HSPG2: variants seen among roughly 807,000 people sequenced by gnomAD.
HSPG2 encodes the protein basement membrane-specific heparan sulfate proteoglycan core protein.
Under a neutral mutation model 526.6 loss-of-function variants are expected in HSPG2, and 278 were observed. That is an observed-to-expected ratio of 0.53 (90% CI 0.48 to 0.58). The LOEUF (loss-of-function observed/expected upper bound fraction) is 0.58, where lower values mean the gene tolerates loss of function less well. Among genes scored for constraint, HSPG2 ranks in the 20% least tolerant of loss-of-function variants. The pLI, the probability that HSPG2 is intolerant of heterozygous loss-of-function variation, is 0.00. For synonymous variants in HSPG2, 2,465 were observed against 2,555.4 expected, an observed-to-expected ratio of 0.96 and a Z score of 1.07; for missense variants, 5,354 against 6,099.5, an observed-to-expected ratio of 0.88 and a Z score of 4.07.
At chr1:21,860,351 A>G in intron 39 of HSPG2, 116 bp from the exon 40 acceptor site, 1 of 891,454 alleles carries the variant, frequency 1.1e-6, no homozygotes, top group South Asian at 1.6e-5. Flanking sequence ...GGAGGCTCGG[A>G]GCTCTGGAAG....
rs1038989686 is a variant in HSPG2, at chr1:21,887,106, G to C, written c.1078+109C>G. ...CAAACAGGCTTGGGGGACTGGGGAGGGGGGAAAGCGGAGGGGCAGGGTAGG... is the reference window on the plus strand; with the variant it reads ...CAAACAGGCTTGGGGGACTGGGGAGCGGGGAAAGCGGAGGGGCAGGGTAGG... On this transcript the variant is annotated intron_variant, in intron 9 of 96. Coordinates refer to ENST00000374695, the MANE Select transcript of HSPG2 (RefSeq NM_005529.7). The surrounding 1 kb of genome is among the most constrained non-coding windows in gnomAD (Gnocchi z 5.0). 9 of 1,116,928 alleles carry C rather than the reference G, an allele frequency of 8.1e-6. No individual in the cohort carries two copies. The highest frequency in any genetic ancestry group is 3.3e-5 in the African/African-American group (2 of 61,304). The allele number at this position is 1,116,928 out of a possible 1,614,324, so 69.2% of individuals were successfully genotyped here.
intron 1 of HSPG2, among the ~76,000 whole-genome samples, chr1:21,906,572 C>T (rs1198677206): frequency 6.6e-6 from 1 of 152,184 alleles, no homozygotes; most frequent in Non-Finnish European, 1.5e-5. Context: ...TCCTGAAGCG[C>T]CCCATGTCTG....
intron 1 of HSPG2, among the ~76,000 whole-genome samples, chr1:21,918,292 C>T (rs1350611637): frequency 6.6e-6 from 1 of 152,106 alleles, no homozygotes; most frequent in Non-Finnish European, 1.5e-5. Context: ...TAGTAAAACC[C>T]TGTCTCTACT....
Position 21,890,447 on chromosome 1 carries a change from A to C in HSPG2, c.393T>G (p.Val131=). ...SEYLKIPGDQ[V]VSVVFIKELD... Reference sequence around the variant, plus strand: ...CTCACTTGATGAACACCACACTGACAACCTGGTCTCCGGGAATTTTCAAGT... The same window carrying C: ...CTCACTTGATGAACACCACACTGACCACCTGGTCTCCGGGAATTTTCAAGT... The change falls in exon 5 of 97, where the codon GTT becomes GTG. Residue 131 remains valine (V), a synonymous_variant. Transcript: ENST00000374695. This position sits in a 1 kb window ranked among gnomAD's most constrained non-coding sequence, Gnocchi z 4.1. 6.2e-7 allele frequency: 1 copy of C among 1,613,840 alleles called. No homozygotes were observed. The highest frequency in any genetic ancestry group is 8.5e-7 in the Non-Finnish European group (1 of 1,179,942).
chr1:21,836,569 C>T lies in HSPG2; in HGVS notation c.10355+233G>A, dbSNP rs112783936. Among the ~76,000 whole-genome samples the T allele has an allele frequency of 0.054, 8,206 of 152,188 alleles. 728 individuals carry two copies. The highest frequency in any genetic ancestry group is 0.18 in the African/African-American group (7,623 of 41,500). On this transcript the variant is annotated intron_variant, in intron 75 of 96. Coordinates refer to ENST00000374695, the MANE Select transcript of HSPG2 (RefSeq NM_005529.7). ...AACTCCTGACCTCAGGTGATCTGCC[C>T]GCCTCAGCCTCCCAAAGTGCTGGGA...
At chr1:21,908,463 A>G in intron 1 of HSPG2, 1 of 845,548 alleles carries the variant, frequency 1.2e-6, no homozygotes, top group Non-Finnish European at 2.1e-6. Context: ...CCAAAGAGAA[A>G]GGTACCTGGG....
chr1:21,836,810 C>G lies in HSPG2; in HGVS notation c.10347G>C (p.Gly3449=). The G allele has an allele frequency of 1.3e-6, 2 of 1,563,872 alleles. No individual in the cohort carries two copies. The highest frequency in any genetic ancestry group is 1.7e-6 in the Non-Finnish European group (2 of 1,158,242). The change falls in exon 75 of 97, where the codon GGG becomes GGC. Residue 3449 remains glycine, a synonymous_variant. Coordinates refer to ENST00000374695, the MANE Select transcript of HSPG2 (RefSeq NM_005529.7). Reference sequence around the variant, plus strand: ...CCCCCGGCCCCACTCACCGGAGCACCCCATCCTGCACGCTGTGACCCGGAG... The same window carrying G: ...CCCCCGGCCCCACTCACCGGAGCACGCCATCCTGCACGCTGTGACCCGGAG... ...QLPPGHSVQD[G]VLRIQNLDQS... is the part of the protein sequence containing the mutation.
intron 9 of HSPG2, among the ~76,000 whole-genome samples, chr1:21,886,697 A>C (rs1198315515): frequency 1.3e-5 from 2 of 152,148 alleles, no homozygotes; most frequent in African/African-American, 4.8e-5. Context: ...GGAGGGAAGA[A>C]GGACGACAGA....
rs572111070 is a variant in HSPG2, at chr1:21,859,456, G to A, written c.5293+110C>T. 8.4e-6 allele frequency: 7 copies of A among 832,930 alleles called. No homozygotes were observed. The highest frequency in any genetic ancestry group is 5.0e-5 in the African/African-American group (3 of 59,604). 51.6% of individuals were successfully genotyped at this position (832,930 alleles called of 1,614,324 possible). ...ATCTCCATGGCTGCTGACCTTGTTC[G>A]GGCAACCACTGCCCCCTCCCAGCAG... On this transcript the variant is annotated intron_variant, in intron 42 of 96. Transcript: ENST00000374695. The surrounding 1 kb of genome is among the most constrained non-coding windows in gnomAD (Gnocchi z 5.3).
chr1:21,877,059 C>CAAAAA lies in HSPG2; in HGVS notation c.2686-412_2686-408dup, dbSNP rs3077630. Among the ~76,000 whole-genome samples the CAAAAA allele has an allele frequency of 8.7e-5, 9 of 103,076 alleles. 1 individual carries two copies. Among genetic ancestry groups the CAAAAA allele is most frequent in the African/African-American group, 1.2e-4 (3 of 25,744 alleles). 67.6% of individuals were successfully genotyped at this position (103,076 alleles called of 152,430 possible). The stretch of plus-strand genomic sequence containing the variant: ...ACGCGATGGGAGCGAGACTCCATCT[C>CAAAAA]AAAAAAAAAAAAAAAAAGAAAAGAA... On this transcript the variant is annotated intron_variant, in intron 21 of 96. Transcript: ENST00000374695.
chr1:21,914,092 GA>G (rs1038697626), intron 1 of HSPG2, among the ~76,000 whole-genome samples: 5 of 152,228 alleles, frequency 3.3e-5, no homozygotes, highest in South Asian at 2.1e-4. Context: ...AGAGAAGGGG[GA>G]AAAAACAGTA....
chr1:21,875,386 C>A (rs906562935), intron 25 of HSPG2, among the ~76,000 whole-genome samples: 2 of 152,156 alleles, frequency 1.3e-5, no homozygotes, highest in African/African-American at 2.4e-5. Context: ...GGCCCCTCCC[C>A]CCTCCTGCGT....
At chr1:21,829,289 G>C (rs764410489) in intron 87 of HSPG2, 94 bp downstream of exon 87, 3 of 1,446,468 alleles carry the variant, frequency 2.1e-6, no homozygotes, top group Non-Finnish European at 2.9e-6. Context: ...CCTGATCCCT[G>C]CATTTATCCT....
intron 53 of HSPG2, 81 bp from the exon 54 acceptor site, chr1:21,852,007 A>G (rs770296668): frequency 6.2e-7 from 1 of 1,610,842 alleles, no homozygotes. Flanking sequence ...CGATCTAGGA[A>G]GTGCCAGCCC....
In HSPG2 at chr1:21,847,605, G is replaced by A; in HGVS notation, c.8025+84C>T. 4 of 1,604,522 alleles carry A rather than the reference G, an allele frequency of 2.5e-6. No homozygotes were observed. Among genetic ancestry groups the A allele is most frequent in the Non-Finnish European group, 3.4e-6 (4 of 1,173,582 alleles). On this transcript the variant is annotated intron_variant, in intron 61 of 96. Transcript: ENST00000374695. This position sits in a 1 kb window ranked among gnomAD's most constrained non-coding sequence, Gnocchi z 4.1. ...TGAGGCTGCTATCGGTCTACCCAGG[G>A]CCCAATCCGTGAGACAGGGAGCCTG...
rs1412730581 is a variant in HSPG2, at chr1:21,828,796, C to T, written c.12237+39G>A. 40 of 1,545,442 alleles carry T rather than the reference C, an allele frequency of 2.6e-5. No homozygotes were observed. The highest frequency in any genetic ancestry group is 3.4e-5 in the Non-Finnish European group (39 of 1,144,834). On this transcript the variant is annotated intron_variant, in intron 88 of 96. Transcript: ENST00000374695. This position sits in a 1 kb window ranked among gnomAD's most constrained non-coding sequence, Gnocchi z 6.0. ...GCCGAGGGGGACACAAGGCTTGGCA[C>T]CCCTCCCCTCCCGCTTGTCCCGAGG...
At chr1:21,935,239 CT>C (rs1248816829) in intron 1 of HSPG2, among the ~76,000 whole-genome samples, 4 of 152,334 alleles carry the variant, frequency 2.6e-5, no homozygotes, top group Middle Eastern at 3.4e-3. Context: ...TATAAAGAGA[CT>C]TCAGGGGCCA....
At chr1:21,896,852 C>A (rs1253097420) in intron 1 of HSPG2, among the ~76,000 whole-genome samples, 1 of 152,236 alleles carries the variant, frequency 6.6e-6, no homozygotes, top group Non-Finnish European at 1.5e-5. Context: ...CGTCTCCAGG[C>A]TGCAGGGAAC....
intron 1 of HSPG2, among the ~76,000 whole-genome samples, chr1:21,926,512 G>A (rs1011311410): frequency 2.6e-5 from 4 of 152,118 alleles, no homozygotes; most frequent in African/African-American, 9.7e-5. Flanking sequence ...CAGCACTTTG[G>A]GAGGCTGAGG....
Sources: gnomAD v4.1 joint callset for allele counts (sites outside exome capture counted in the v4.1 genomes callset) on GRCh38, gnomAD v4.1.1 for gene constraint, Gnocchi (gnomAD v3.1) non-coding constraint, MANE v1.5 for transcripts, NCBI Gene and HGNC (gene_info 2026-07-23, HGNC 2026-07-21) for gene names.